Variants in TMCO6 observed in about 807,000 individuals in gnomAD.
TMCO6 encodes the protein transmembrane and coiled-coil domains 6.
A neutral mutation model predicts 61.8 loss-of-function variants in TMCO6; 47 were observed. That is an observed-to-expected ratio of 0.76 (90% CI 0.60 to 0.97). The LOEUF (loss-of-function observed/expected upper bound fraction) is 0.97, where lower values mean the gene tolerates loss of function less well. Ranked by LOEUF, TMCO6 falls within the 50% of genes least tolerant of loss-of-function variation. TMCO6 has a pLI of 0.00. For synonymous variants in TMCO6, 261 were observed against 254.2 expected, an observed-to-expected ratio of 1.03 and a Z score of -0.25; for missense variants, 557 against 601.6, an observed-to-expected ratio of 0.93 and a Z score of 0.78.
the TMCO6 span, among the ~76,000 whole-genome samples, chr5:140,609,752 T>A: frequency 1.3e-5 from 2 of 152,128 alleles, no homozygotes; most frequent in Non-Finnish European, 2.9e-5. Flanking sequence ...TTTACTTAGA[T>A]CTTCTTTAAT....
In TMCO6 at chr5:140,639,475, C is replaced by T; in HGVS notation, c.-53C>T. 5 of 1,523,676 alleles carry T rather than the reference C, an allele frequency of 3.3e-6. No individual in the cohort carries two copies. The highest frequency in any genetic ancestry group is 2.5e-5 in the East Asian group (1 of 40,762). 94.4% of individuals were successfully genotyped at this position (1,523,676 alleles called of 1,614,324 possible). A position where few individuals can be genotyped will look rare whatever the true frequency, so the allele number is the denominator to read the frequency against. ...CGCAGTCGGTGCCATCTTCTACGCC[C>T]CTGGGAGCGTTGTGGCTGCTGTTTC... On this transcript the variant is annotated 5_prime_UTR_variant, in exon 1 of 12. Transcript: ENST00000394671.
the TMCO6 span, among the ~76,000 whole-genome samples, chr5:140,598,274 T>A: frequency 2.0e-5 from 3 of 151,902 alleles, no homozygotes; most frequent in Non-Finnish European, 4.4e-5. Flanking sequence ...TGGCATGATA[T>A]CTCACTGCAG....
chr5:140,638,650 G>A (rs4912717), upstream of TMCO6: 42,548 of 150,238 alleles, frequency 0.28, 6,193 homozygotes, highest in African/African-American at 0.31. Context: ...TCCGCCTCCC[G>A]GGTTCAAACG....
chr5:140,601,231 T>C, the TMCO6 span, among the ~76,000 whole-genome samples: 7,072 of 152,250 alleles, frequency 0.046, 552 homozygotes, highest in African/African-American at 0.16. Flanking sequence ...CCTAGAAATG[T>C]CCCTTTTCCA....
At chr5:140,642,170 C>T in intron 4 of TMCO6, 117 bp downstream of exon 4, 1 of 1,435,012 alleles carries the variant, frequency 7.0e-7, no homozygotes, top group Admixed American at 2.0e-5. Context: ...TGCCTACAGC[C>T]ATGGCTACAC....
At chr5:140,637,169 G>A (rs1484656920), upstream of TMCO6, among the ~76,000 whole-genome samples, 2 of 152,154 alleles carry the variant, frequency 1.3e-5, no homozygotes, top group Admixed American at 1.3e-4. Context: ...GGGTGGAGGA[G>A]AAAAAGAACA....
chr5:140,645,667 C>A, downstream of TMCO6: 1 of 1,614,186 alleles, frequency 6.2e-7, no homozygotes, highest in Non-Finnish European at 8.5e-7. Context: ...ACATTCGTCT[C>A]TTGGCCAAAT....
At chr5:140,637,249 C>A (rs2149786509), upstream of TMCO6, among the ~76,000 whole-genome samples, 1 of 152,226 alleles carries the variant, frequency 6.6e-6, no homozygotes, top group African/African-American at 2.4e-5. Flanking sequence ...GGGGTTAGAC[C>A]ATGTAGGGCT....
the TMCO6 span, among the ~76,000 whole-genome samples, chr5:140,615,636 C>T: frequency 6.6e-6 from 1 of 152,058 alleles, no homozygotes; most frequent in Non-Finnish European, 1.5e-5. Context: ...AGAAATAAGC[C>T]CTCACATATG....
At chr5:140,600,719 T>C in the TMCO6 span, among the ~76,000 whole-genome samples, 1 of 152,064 alleles carries the variant, frequency 6.6e-6, no homozygotes, top group East Asian at 1.9e-4. Context: ...TGCCTCAGCC[T>C]CTCAAAAGTG....
the TMCO6 span, among the ~76,000 whole-genome samples, chr5:140,612,481 AGGCGCCCGCCAC>A: frequency 1.2e-4 from 18 of 152,078 alleles, no homozygotes; most frequent in African/African-American, 4.3e-4. Flanking sequence ...CTGGGACTAT[AGGCGCCCGCCAC>A]GGCGCCCGGC....
chr5:140,644,560 T>C lies in TMCO6; in HGVS notation c.1201-13T>C. 6.2e-7 allele frequency: 1 copy of C among 1,613,576 alleles called. No individual in the cohort carries two copies. Among genetic ancestry groups the C allele is most frequent in the Non-Finnish European group, 8.5e-7 (1 of 1,179,768 alleles). On this transcript the variant is annotated splice_polypyrimidine_tract_variant and intron_variant, in intron 10 of 11. Coordinates refer to ENST00000394671, the MANE Select transcript of TMCO6 (RefSeq NM_018502.5). ...TTTCATTCTTTGTAGACTATATATGTGTCTATCTGCAGGTGCTCACAGTTC... is the reference window on the plus strand; with the variant it reads ...TTTCATTCTTTGTAGACTATATATGCGTCTATCTGCAGGTGCTCACAGTTC...
chr5:140,598,162 C>T, the TMCO6 span, among the ~76,000 whole-genome samples: 1 of 152,014 alleles, frequency 6.6e-6, no homozygotes, highest in African/African-American at 2.4e-5. Context: ...AACTTTATCC[C>T]CTCCCCCATT....
At chr5:140,622,682 T>G in the TMCO6 span, among the ~76,000 whole-genome samples, 1 of 150,126 alleles carries the variant, frequency 6.7e-6, no homozygotes, top group African/African-American at 2.5e-5. Context: ...GCTAGAAGCT[T>G]GTACACCAGC....
the TMCO6 span, among the ~76,000 whole-genome samples, chr5:140,616,134 G>GAA: frequency 9.5e-6 from 1 of 104,848 alleles, no homozygotes; most frequent in South Asian, 2.9e-4. Context: ...TCCATCTCAA[G>GAA]AAAAAAAAAA....
the TMCO6 span, chr5:140,632,717 G>A: frequency 6.2e-7 from 1 of 1,613,686 alleles, no homozygotes; most frequent in East Asian, 2.2e-5. This position sits in a 1 kb window ranked among gnomAD's most constrained non-coding sequence, Gnocchi z 6.2. Context: ...GCCGCACGCG[G>A]AGAGCCTTGA....
At chr5:140,644,509 T>G (rs1757267927) in intron 10 of TMCO6, 64 bp from the exon 11 acceptor site, 2 of 1,576,358 alleles carry the variant, frequency 1.3e-6, no homozygotes, top group Non-Finnish European at 1.7e-6. Context: ...ATGTCATATA[T>G]TTTAGCTATT....
At chr5:140,646,043 C>T (rs1757378813), downstream of TMCO6, among the ~76,000 whole-genome samples, 1 of 145,754 alleles carries the variant, frequency 6.9e-6, no homozygotes, top group South Asian at 2.1e-4. Context: ...CGGAGTCTCG[C>T]TCTGTCACCC....
the TMCO6 span, among the ~76,000 whole-genome samples, chr5:140,624,104 T>A: frequency 1.3e-5 from 2 of 152,094 alleles, no homozygotes; most frequent in East Asian, 3.9e-4. Context: ...TGGTGACTCA[T>A]GCCTGTAATC....
Sources: gnomAD v4.1 joint callset for allele counts (sites outside exome capture counted in the v4.1 genomes callset) on GRCh38, gnomAD v4.1.1 for gene constraint, Gnocchi (gnomAD v3.1) non-coding constraint, MANE v1.5 for transcripts, NCBI Gene and HGNC (gene_info 2026-07-23, HGNC 2026-07-21) for gene names.